CERT1: variants seen among roughly 807,000 people sequenced by gnomAD.
CERT1 encodes the protein ceramide transfer protein.
CERT1 carries 31 observed loss-of-function variants against 87.9 expected under a neutral mutation model. That is an observed-to-expected ratio of 0.35 (90% confidence interval 0.27 to 0.48). The LOEUF is 0.48. CERT1 is among the 20% of genes least tolerant of loss of function. The pLI, the probability that CERT1 is intolerant of heterozygous loss-of-function variation, is 0.99. For missense variants in CERT1, 487 were observed against 758.0 expected (o/e 0.64, Z 4.20); for synonymous variants, 289 against 250.9 (o/e 1.15, Z -1.44).
At position 75,461,282 on chromosome 5, in the gene CERT1, T is replaced by C. The variant is rs139255754; in HGVS notation, c.232-2101A>G. ...GATCAGCAGCGGCATTAGATCCTCA[T>C]AGGAGCACAAACCCTACAACGAACT... On this transcript the variant is annotated intron_variant, in intron 2 of 16. Coordinates refer to ENST00000643780, the MANE Select transcript of CERT1 (RefSeq NM_001379029.1). Among the ~76,000 whole-genome samples, 577 of 152,322 alleles carry C rather than the reference T, an allele frequency of 3.8e-3. 5 individuals carry two copies. The highest frequency in any genetic ancestry group is 0.013 in the African/African-American group (554 of 41,570).
chr5:75,497,312 GACT>G (rs1472469199), intron 2 of CERT1, among the ~76,000 whole-genome samples: 1 of 152,158 alleles, frequency 6.6e-6, no homozygotes, highest in Non-Finnish European at 1.5e-5. Context: ...AAATTTGAGA[GACT>G]ACTACTATGT....
At chr5:75,390,966 A>C (rs1762006213) in intron 11 of CERT1, among the ~76,000 whole-genome samples, 1 of 151,224 alleles carries the variant, frequency 6.6e-6, no homozygotes, top group African/African-American at 2.4e-5. Context: ...ACCATGCCTA[A>C]CATTTTTTTT....
chr5:75,409,902 A>G (rs1355211741), intron 8 of CERT1, among the ~76,000 whole-genome samples: 1 of 150,912 alleles, frequency 6.6e-6, no homozygotes, highest in Non-Finnish European at 1.5e-5. Context: ...GTGCAATCGT[A>G]GCTCACTGCA....
chr5:75,430,634 G>A (rs1029534505), intron 3 of CERT1, among the ~76,000 whole-genome samples: 1 of 151,968 alleles, frequency 6.6e-6, no homozygotes, highest in Admixed American at 6.6e-5. Flanking sequence ...GAATGTAAAT[G>A]TAAATTGTAC....
intron 8 of CERT1, among the ~76,000 whole-genome samples, chr5:75,404,359 C>T (rs376915812): frequency 1.6e-4 from 24 of 147,274 alleles, no homozygotes; most frequent in Non-Finnish European, 3.1e-4. Flanking sequence ...CAGTGCATAT[C>T]TTAGTGAAGC....
At chr5:75,464,027 A>G (rs933155050) in intron 2 of CERT1, among the ~76,000 whole-genome samples, 2 of 152,120 alleles carry the variant, frequency 1.3e-5, no homozygotes, top group African/African-American at 4.8e-5. Flanking sequence ...CAGATAAGAC[A>G]AATGTAACTT....
chr5:75,410,764 T>C, intron 8 of CERT1: 1 of 267,262 alleles, frequency 3.7e-6, no homozygotes, highest in Non-Finnish European at 6.9e-6. Flanking sequence ...AGATAAAAAT[T>C]TGTCCTATCA....
intron 5 of CERT1, among the ~76,000 whole-genome samples, chr5:75,423,571 T>A (rs1241401090): frequency 6.6e-6 from 1 of 152,072 alleles, no homozygotes; most frequent in Admixed American, 6.6e-5. Flanking sequence ...CGAGACCTCA[T>A]CTCTACAAAA....
At chr5:75,421,062 G>A (rs1208055683) in intron 5 of CERT1, among the ~76,000 whole-genome samples, 1 of 152,142 alleles carries the variant, frequency 6.6e-6, no homozygotes, top group Non-Finnish European at 1.5e-5. Context: ...GCCCACCTCT[G>A]CCTCTCAAAA....
rs1042418904 is a variant in CERT1, at chr5:75,425,558, G to C, written c.457-59C>G. ...GTAAAACAAAACTGGATTTCATGTG[G>C]TCCTATGGTATTTCATCAACTTTTA... On this transcript the variant is annotated intron_variant, in intron 4 of 16. Coordinates refer to ENST00000643780, the MANE Select transcript of CERT1 (RefSeq NM_001379029.1). 1.9e-6 allele frequency: 3 copies of C among 1,547,028 alleles called. No homozygotes were observed. The African/African-American group carries it at 4.1e-5, about 21-fold the overall frequency.
downstream of CERT1, chr5:75,374,454 G>GCA (rs1761209291): frequency 1.4e-6 from 1 of 713,886 alleles, no homozygotes; most frequent in Non-Finnish European, 2.6e-6. Context: ...TACAGTCCAG[G>GCA]CCTCCAAGAT....
In CERT1 at chr5:75,392,416, A is replaced by G. The variant is rs547892031; in HGVS notation, c.1189-2729T>C. On this transcript the variant is annotated intron_variant, in intron 11 of 16. Transcript: ENST00000643780. ...AAAGATTCTAATGAAGTACTAAATT[A>G]CTGCAATAAACTCTGCAAAACTTTC... is the stretch of plus-strand genomic sequence containing the variant. Among the ~76,000 whole-genome samples, 6 of 152,382 alleles carry G rather than the reference A, an allele frequency of 3.9e-5. No homozygotes were observed. The South Asian group carries it at 1.0e-3, about 26-fold the overall frequency.
chr5:75,510,878 C>G lies in CERT1; in HGVS notation c.96+234G>C, dbSNP rs1011620305. On this transcript the variant is annotated intron_variant, in intron 1 of 16. Transcript: ENST00000643780. Reference sequence around the variant, plus strand: ...CACGGCGCGCATCTGGCCTCCCAAACTGGATCTCAGGTTTATACACCCTTT... The same window carrying G: ...CACGGCGCGCATCTGGCCTCCCAAAGTGGATCTCAGGTTTATACACCCTTT... Among the ~76,000 whole-genome samples the G allele has an allele frequency of 3.9e-5, 6 of 152,182 alleles. No homozygotes were observed. The East Asian group carries it at 1.2e-3, about 29-fold the overall frequency.
rs1489999835 is a variant in CERT1, at chr5:75,493,591, C to A, written c.231+12391G>T. 2.6e-5 allele frequency among the ~76,000 whole-genome samples: 4 copies of A among 152,330 alleles called. No homozygotes were observed. The East Asian group carries it at 7.7e-4, about 29-fold the overall frequency. On this transcript the variant is annotated intron_variant, in intron 2 of 16. Transcript: ENST00000643780. ...TTATGTTTTTTCTCTCTGGAAGCAT[C>A]CAAGATCTTCTTCCCAGTGGTCTGG...
chr5:75,391,118 C>T (rs1486775028), intron 11 of CERT1, among the ~76,000 whole-genome samples: 2 of 152,160 alleles, frequency 1.3e-5, no homozygotes, highest in Admixed American at 6.5e-5. Flanking sequence ...GAGTGCACCA[C>T]CACATCCAGT....
chr5:75,497,407 T>A (rs1767126719), intron 2 of CERT1, among the ~76,000 whole-genome samples: 1 of 152,154 alleles, frequency 6.6e-6, no homozygotes, highest in Admixed American at 6.5e-5. Context: ...ATCCCCCTTG[T>A]TTAATCAGTT....
intron 3 of CERT1, among the ~76,000 whole-genome samples, chr5:75,454,580 C>T (rs1221835363): frequency 6.6e-6 from 1 of 152,076 alleles, no homozygotes; most frequent in East Asian, 1.9e-4. Context: ...ACATACAGTG[C>T]GGTGGTGTTT....
At chr5:75,478,101 T>C (rs1419651971) in intron 2 of CERT1, among the ~76,000 whole-genome samples, 9 of 151,982 alleles carry the variant, frequency 5.9e-5, no homozygotes, top group African/African-American at 2.2e-4. Flanking sequence ...TCACCTGAAG[T>C]CAGGAGTTCG....
intron 3 of CERT1, among the ~76,000 whole-genome samples, chr5:75,456,582 G>A (rs1440294238): frequency 2.0e-5 from 3 of 146,946 alleles, no homozygotes; most frequent in Non-Finnish European, 4.5e-5. Context: ...GCTAAGGTGA[G>A]AGGATCGTTT....
Sources: gnomAD v4.1 joint callset for allele counts (sites outside exome capture counted in the v4.1 genomes callset) on GRCh38, gnomAD v4.1.1 for gene constraint, MANE v1.5 for transcripts, NCBI Gene and HGNC (gene_info 2026-07-23, HGNC 2026-07-21) for gene names.